DLG2: variants seen among roughly 807,000 people sequenced by gnomAD.
DLG2 encodes disks large homolog 2.
In DLG2, 45 loss-of-function variants were observed where a neutral mutation model predicts 132.5. The ratio of observed to expected loss-of-function variants is 0.34; its 90% CI spans 0.27 to 0.44. DLG2 has a LOEUF of 0.44. Ranked by LOEUF, DLG2 falls within the 20% of genes least tolerant of loss-of-function variation. DLG2 has a pLI of 1.00. For synonymous variants in DLG2, 424 were observed against 419.6 expected (o/e 1.01, Z -0.13); for missense variants, 1,045 against 1,196.9 (o/e 0.87, Z 1.87).
intron 7 of DLG2, among the ~76,000 whole-genome samples, chr11:84,359,615 C>T (rs2098637938): frequency 6.6e-6 from 1 of 151,710 alleles, no homozygotes; most frequent in Admixed American, 6.6e-5. Context: ...TAGGAAATCC[C>T]CAAGCTTCCT....
intron 4 of DLG2, among the ~76,000 whole-genome samples, chr11:85,189,579 T>C (rs576369094): frequency 6.6e-6 from 1 of 152,334 alleles, no homozygotes; most frequent in African/African-American, 2.4e-5. Context: ...GTGGTTGTCA[T>C]AGACTAGATG....
At chr11:85,422,858 T>C (rs1331531494) in intron 3 of DLG2, among the ~76,000 whole-genome samples, 1 of 152,184 alleles carries the variant, frequency 6.6e-6, no homozygotes, top group Non-Finnish European at 1.5e-5. Context: ...TATCTTTTTT[T>C]TTATTTCCTT....
chr11:83,933,156 A>G (rs538021201), intron 14 of DLG2, among the ~76,000 whole-genome samples: 1 of 152,338 alleles, frequency 6.6e-6, no homozygotes, highest in South Asian at 2.1e-4. Context: ...GGGTGGCAGA[A>G]CAGATGCCAC....
chr11:83,491,482 T>A lies in DLG2; in HGVS notation c.2194-7254A>T, dbSNP rs535311454. Among the ~76,000 whole-genome samples, 7 of 152,132 alleles carry A rather than the reference T, an allele frequency of 4.6e-5. No homozygotes were observed. The East Asian group carries it at 1.4e-3, about 29-fold the overall frequency. On this transcript the variant is annotated intron_variant, in intron 21 of 27. Coordinates refer to ENST00000376104, the MANE Select transcript of DLG2 (RefSeq NM_001142699.3). ...GGAATCCCAGATGAAACCTGTTTTA[T>A]TTTTCCCCCATTTATGTTATTTCTA...
intron 11 of DLG2, among the ~76,000 whole-genome samples, chr11:84,022,566 T>C (rs921811063): frequency 6.6e-6 from 1 of 152,206 alleles, no homozygotes; most frequent in Non-Finnish European, 1.5e-5. Flanking sequence ...CTCTTCTTCA[T>C]TCTCTTCTCC....
At chr11:85,359,619 A>G (rs2083990234) in intron 3 of DLG2, among the ~76,000 whole-genome samples, 1 of 152,178 alleles carries the variant, frequency 6.6e-6, no homozygotes, top group African/African-American at 2.4e-5. Context: ...TATGCACAAC[A>G]AATAATTGTT....
intron 7 of DLG2, among the ~76,000 whole-genome samples, chr11:84,490,649 CAAAA>C (rs5793124): frequency 2.9e-5 from 2 of 68,938 alleles, no homozygotes; most frequent in Admixed American, 1.6e-4. Context: ...CATATATGAG[CAAAA>C]AAAAAAAAAA....
intron 15 of DLG2, among the ~76,000 whole-genome samples, chr11:83,901,621 G>A (rs1369112444): frequency 2.0e-5 from 3 of 152,190 alleles, no homozygotes; most frequent in East Asian, 3.9e-4. Flanking sequence ...ATGTGGAACT[G>A]TAAGTCCAAT....
At chr11:85,454,098 T>G (rs1313305207) in intron 3 of DLG2, among the ~76,000 whole-genome samples, 1 of 151,590 alleles carries the variant, frequency 6.6e-6, no homozygotes, top group African/African-American at 2.4e-5. Flanking sequence ...ATGATCTCAT[T>G]CTTTTTTATG....
intron 4 of DLG2, among the ~76,000 whole-genome samples, chr11:85,283,864 A>G (rs2078389051): frequency 6.6e-6 from 1 of 151,694 alleles, no homozygotes; most frequent in Admixed American, 6.6e-5. Flanking sequence ...CATTTATAAA[A>G]TCAATCCTAA....
At chr11:85,548,069 T>C (rs2076440266) in intron 3 of DLG2, among the ~76,000 whole-genome samples, 1 of 152,204 alleles carries the variant, frequency 6.6e-6, no homozygotes, top group African/African-American at 2.4e-5. Context: ...ATAGGCATTC[T>C]GGTTTTTAGA....
At chr11:85,511,303 C>T (rs138685521) in intron 3 of DLG2, among the ~76,000 whole-genome samples, 2,585 of 152,070 alleles carry the variant, frequency 0.017, 36 homozygotes, top group South Asian at 0.035. Flanking sequence ...AGCATACCAA[C>T]ATGGCACATG....
At chr11:84,580,437 G>A (rs887888848) in intron 6 of DLG2, among the ~76,000 whole-genome samples, 7 of 152,124 alleles carry the variant, frequency 4.6e-5, no homozygotes, top group Non-Finnish European at 7.4e-5. Context: ...CTCTTGAGAC[G>A]TGTGTTTGCC....
intron 7 of DLG2, among the ~76,000 whole-genome samples, chr11:84,358,765 A>T (rs1385215962): frequency 6.6e-6 from 1 of 151,962 alleles, no homozygotes; most frequent in Non-Finnish European, 1.5e-5. Context: ...TTAGAACAAA[A>T]AGGTAATAAT....
chr11:83,913,088 AC>A (rs1484998984), intron 15 of DLG2, among the ~76,000 whole-genome samples: 1 of 152,076 alleles, frequency 6.6e-6, no homozygotes, highest in Non-Finnish European at 1.5e-5. Context: ...GTGTGTGTAA[AC>A]ATCCCTTAAC....
At chr11:84,228,578 C>A (rs953564478) in intron 8 of DLG2, among the ~76,000 whole-genome samples, 4 of 152,084 alleles carry the variant, frequency 2.6e-5, no homozygotes, top group African/African-American at 9.7e-5. Flanking sequence ...TTGGCACATT[C>A]GGATGTGATA....
intron 7 of DLG2, among the ~76,000 whole-genome samples, chr11:84,459,516 T>C (rs2099074544): frequency 6.6e-6 from 1 of 150,506 alleles, no homozygotes; most frequent in Non-Finnish European, 1.5e-5. Flanking sequence ...TAATAGGTTG[T>C]TTCTGAAAAA....
At chr11:83,874,614 G>A (rs930326102) in intron 15 of DLG2, 126 bp from the exon 16 acceptor site, 3 of 562,706 alleles carry the variant, frequency 5.3e-6, no homozygotes, top group Non-Finnish European at 8.6e-6. Context: ...GTATACATGT[G>A]CCATGTTGGT....
At chr11:83,940,176 T>G (rs1256664580) in intron 14 of DLG2, among the ~76,000 whole-genome samples, 4 of 152,310 alleles carry the variant, frequency 2.6e-5, no homozygotes, top group African/African-American at 9.6e-5. Flanking sequence ...GAAGCACCTT[T>G]ACATATATTG....
Sources: allele counts gnomAD v4.1 joint callset (sites outside exome capture counted in the v4.1 genomes callset), GRCh38; gene constraint gnomAD v4.1.1; transcripts MANE v1.5; gene names NCBI Gene and HGNC (gene_info 2026-07-23, HGNC 2026-07-21).